NRG3: variants seen among roughly 807,000 people sequenced by gnomAD.
NRG3 encodes the protein neuregulin 3.
NRG3 carries 31 observed loss-of-function variants against 66.9 expected under a neutral mutation model. The observed-to-expected ratio is 0.46, with a 90% CI of 0.35 to 0.63. The LOEUF (loss-of-function observed/expected upper bound fraction) is 0.63, where lower values mean the gene tolerates loss of function less well. Ranked by LOEUF, NRG3 falls within the 20% of genes least tolerant of loss-of-function variation. The probability of loss-of-function intolerance (pLI) is 0.00; values close to 1 mark genes in which losing one functional copy is unlikely to be tolerated. For missense variants in NRG3, 910 were observed against 878.9 expected (o/e 1.04, Z -0.45); for synonymous variants, 393 against 359.4 (o/e 1.09, Z -1.06).
At chr10:82,261,448 A>G (rs995004714) in intron 1 of NRG3, among the ~76,000 whole-genome samples, 1 of 152,102 alleles carries the variant, frequency 6.6e-6, no homozygotes, top group Non-Finnish European at 1.5e-5. Context: ...CAGTGTGAAA[A>G]TGGACTAATT....
chr10:82,761,948 C>CTCTCT (rs1565287285), intron 3 of NRG3, among the ~76,000 whole-genome samples: 4 of 126,648 alleles, frequency 3.2e-5, no homozygotes, highest in African/African-American at 1.2e-4. Flanking sequence ...TTCTTTCTTT[C>CTCTCT]TTTCTTTCTT....
intron 3 of NRG3, among the ~76,000 whole-genome samples, chr10:82,861,327 ATC>A (rs2135921281): frequency 6.6e-6 from 1 of 152,344 alleles, no homozygotes; most frequent in East Asian, 1.9e-4. Context: ...TATAAATGCC[ATC>A]TTCCTTGAGA....
At chr10:82,402,957 GAT>G (rs1328273138) in intron 2 of NRG3, among the ~76,000 whole-genome samples, 1 of 152,014 alleles carries the variant, frequency 6.6e-6, no homozygotes, top group African/African-American at 2.4e-5. Context: ...TTTTTAAAAA[GAT>G]AGCTTACTCA....
intron 1 of NRG3, among the ~76,000 whole-genome samples, chr10:82,301,171 C>G (rs2080381315): frequency 6.6e-6 from 1 of 152,132 alleles, no homozygotes; most frequent in South Asian, 2.1e-4. Flanking sequence ...TTATGTCAGT[C>G]AAGCTGACAG....
At chr10:81,930,304 C>T (rs1391152343) in intron 1 of NRG3, among the ~76,000 whole-genome samples, 1 of 152,066 alleles carries the variant, frequency 6.6e-6, no homozygotes, top group Non-Finnish European at 1.5e-5. Flanking sequence ...GCTGCAAATC[C>T]CTGAGCTTCC....
intron 1 of NRG3, chr10:81,878,066 A>G: frequency 6.5e-7 from 1 of 1,536,034 alleles, no homozygotes; most frequent in Non-Finnish European, 8.7e-7. Context: ...CTTGTGTACC[A>G]TTCCGGAGGT....
At chr10:82,134,507 G>A (rs111959438) in intron 1 of NRG3, among the ~76,000 whole-genome samples, 4 of 152,162 alleles carry the variant, frequency 2.6e-5, no homozygotes, top group African/African-American at 9.6e-5. Flanking sequence ...ATCATTTATT[G>A]AATAGAGAGT....
intron 1 of NRG3, among the ~76,000 whole-genome samples, chr10:82,303,367 A>G (rs904124734): frequency 3.4e-5 from 5 of 146,420 alleles, no homozygotes; most frequent in Non-Finnish European, 6.1e-5. Flanking sequence ...ACGGAAGGAC[A>G]CACAACCTAC....
At chr10:82,094,937 C>T (rs1053177379) in intron 1 of NRG3, among the ~76,000 whole-genome samples, 3 of 152,130 alleles carry the variant, frequency 2.0e-5, no homozygotes, top group Admixed American at 2.0e-4. Context: ...TTACAATGCA[C>T]ATTATTTGGG....
chr10:82,842,866 G>A (rs915725801), intron 3 of NRG3, among the ~76,000 whole-genome samples: 10 of 152,246 alleles, frequency 6.6e-5, no homozygotes, highest in South Asian at 2.1e-4. Flanking sequence ...GACTACAGGC[G>A]CAAGCCACCA....
intron 2 of NRG3, among the ~76,000 whole-genome samples, chr10:82,394,715 C>T (rs942143565): frequency 1.2e-4 from 18 of 152,140 alleles, no homozygotes; most frequent in East Asian, 1.9e-4. Flanking sequence ...TCAAACCATC[C>T]GTTACAAATT....
At chr10:82,746,670 G>C (rs1414339) in intron 3 of NRG3, among the ~76,000 whole-genome samples, 105,380 of 152,042 alleles carry the variant, frequency 0.69, 37,062 homozygotes, top group South Asian at 0.75. Context: ...TAAATTCTGC[G>C]TGTGGTGTTT....
intron 1 of NRG3, among the ~76,000 whole-genome samples, chr10:82,189,832 G>A (rs188337439): frequency 8.0e-5 from 12 of 150,344 alleles, no homozygotes; most frequent in Non-Finnish European, 1.8e-4. Context: ...ATGTGGTGGC[G>A]AGCACCTGTA....
chr10:81,968,523 C>T (rs185653325), intron 1 of NRG3, among the ~76,000 whole-genome samples: 4 of 152,306 alleles, frequency 2.6e-5, no homozygotes, highest in East Asian at 1.9e-4. Context: ...GGGCACCCCT[C>T]TTCCAGCTGC....
chr10:82,279,447 T>C (rs929769684), intron 1 of NRG3, among the ~76,000 whole-genome samples: 6 of 152,174 alleles, frequency 3.9e-5, no homozygotes, highest in Non-Finnish European at 8.8e-5. Context: ...TAAAGGCATT[T>C]ATCTAAATAA....
intron 2 of NRG3, among the ~76,000 whole-genome samples, chr10:82,671,846 A>T (rs528534905): frequency 3.9e-5 from 6 of 152,364 alleles, no homozygotes; most frequent in Admixed American, 2.0e-4. Flanking sequence ...GTCAAAAATA[A>T]TGTGAAGCTA....
At chr10:82,437,254 A>C (rs1472092222) in intron 2 of NRG3, among the ~76,000 whole-genome samples, 1 of 149,916 alleles carries the variant, frequency 6.7e-6, no homozygotes, top group Non-Finnish European at 1.5e-5. Flanking sequence ...TTTTTTCTCT[A>C]TTCTTGTCTG....
intron 6 of NRG3, 135 bp downstream of exon 6, chr10:82,959,210 T>C: frequency 2.0e-6 from 2 of 998,518 alleles, no homozygotes; most frequent in Non-Finnish European, 2.8e-6. Flanking sequence ...GTTTTAACAG[T>C]TCTGGGCTGG....
chr10:82,649,459 C>CTTTTTTTTTTTTTTTTTTT (rs71469930), intron 2 of NRG3, among the ~76,000 whole-genome samples: 2 of 48,800 alleles, frequency 4.1e-5, no homozygotes, highest in African/African-American at 1.3e-4. Flanking sequence ...CTGGTGCAGG[C>CTTTTTTTTTTTTTTTTTTT]TTTTTTTTTT....
Sources: allele counts gnomAD v4.1 joint callset (sites outside exome capture counted in the v4.1 genomes callset), GRCh38; gene constraint gnomAD v4.1.1; transcripts MANE v1.5; gene names NCBI Gene and HGNC (gene_info 2026-07-23, HGNC 2026-07-21).